The following CASTOR2 variants were observed in gnomAD, a reference collection of about 807,000 sequenced individuals.
CASTOR2 encodes the protein GATS protein like 2.
Under a neutral mutation model 31.2 loss-of-function variants are expected in CASTOR2, and 8 were observed. The observed-to-expected ratio is 0.26, with a 90% CI of 0.15 to 0.46. The LOEUF (loss-of-function observed/expected upper bound fraction) is 0.46, where lower values mean the gene tolerates loss of function less well. Ranked by LOEUF, CASTOR2 falls within the 20% of genes least tolerant of loss-of-function variation. The probability of loss-of-function intolerance (pLI) is 0.99; values close to 1 mark genes in which losing one functional copy is unlikely to be tolerated. For missense variants in CASTOR2, 216 were observed against 382.1 expected (o/e 0.57, Z 3.62); for synonymous variants, 162 against 158.7 (o/e 1.02, Z -0.16).
At chr7:74,996,237 G>C (rs1804343658) in intron 1 of CASTOR2, among the ~76,000 whole-genome samples, 2 of 152,116 alleles carry the variant, frequency 1.3e-5, no homozygotes, top group Non-Finnish European at 2.9e-5. Context: ...GATGGGGCCA[G>C]CCGAGGGGCC....
intron 2 of CASTOR2, among the ~76,000 whole-genome samples, chr7:75,016,953 G>GA (rs1163905659): frequency 6.6e-6 from 1 of 152,096 alleles, no homozygotes; most frequent in Non-Finnish European, 1.5e-5. Flanking sequence ...GATCCCTTGA[G>GA]ATCAGGAGTT....
At chr7:75,022,334 G>A (rs1481394918) in intron 7 of CASTOR2, among the ~76,000 whole-genome samples, 14 of 152,060 alleles carry the variant, frequency 9.2e-5, no homozygotes, top group Non-Finnish European at 4.4e-5. Context: ...GCGAGGCCCT[G>A]TCTCTACCAA....
intron 1 of CASTOR2, among the ~76,000 whole-genome samples, chr7:74,993,481 C>T (rs1804261693): frequency 1.5e-5 from 2 of 129,708 alleles, no homozygotes; most frequent in Admixed American, 1.9e-4. Flanking sequence ...GAGCGAGTCT[C>T]ACTGTGTCAC....
intron 7 of CASTOR2, among the ~76,000 whole-genome samples, chr7:75,023,286 C>T (rs1343257930): frequency 3.3e-5 from 5 of 151,390 alleles, no homozygotes; most frequent in South Asian, 2.1e-4. Flanking sequence ...CCAGCCTGGG[C>T]GACAGAGCGA....
At chr7:75,022,005 G>A (rs1805016853) in intron 7 of CASTOR2, 49 bp downstream of exon 7, 1 of 1,547,818 alleles carries the variant, frequency 6.5e-7, no homozygotes, top group Non-Finnish European at 8.7e-7. Context: ...TGGCATTGCT[G>A]AGCCCATTCA....
intron 1 of CASTOR2, among the ~76,000 whole-genome samples, chr7:75,005,009 G>T (rs1212473247): frequency 2.0e-5 from 3 of 151,708 alleles, no homozygotes; most frequent in African/African-American, 7.3e-5. Context: ...GGGATTACAG[G>T]TGCCCACTGC....
In CASTOR2 at chr7:74,975,950, C is replaced by G. The variant is rs1803798178; in HGVS notation, c.113+10852C>G. Among the ~76,000 whole-genome samples the G allele has an allele frequency of 1.3e-5, 2 of 149,946 alleles. 1 individual carries two copies. Among genetic ancestry groups the G allele is most frequent in the Non-Finnish European group, 3.0e-5 (2 of 67,474 alleles). On this transcript the variant is annotated intron_variant, in intron 1 of 8. Transcript: ENST00000616305. ...CATATGGAGAGGAACTGAGGCATCC[C>G]ACCCCCAACCGGCAGAGCGGGGCTT... is the stretch of plus-strand genomic sequence containing the variant.
chr7:75,031,471 C>CA lies in CASTOR2; in HGVS notation c.*6778dup, dbSNP rs1187772222. Among the ~76,000 whole-genome samples, 12 of 151,288 alleles carry CA rather than the reference C, an allele frequency of 7.9e-5. No individual in the cohort carries two copies. Among genetic ancestry groups the CA allele is most frequent in the African/African-American group, 2.9e-4 (12 of 41,260 alleles). ...GAAAAAAAATTACCTAATGTTCCCCCAAAAAAGACAGTATATTTTGTACTT... is the reference window on the plus strand; with the variant it reads ...GAAAAAAAATTACCTAATGTTCCCCCAAAAAAAGACAGTATATTTTGTACTT... On this transcript the variant is annotated 3_prime_UTR_variant, in exon 9 of 9. Coordinates refer to ENST00000616305, the MANE Select transcript of CASTOR2 (RefSeq NM_001145064.3).
intron 1 of CASTOR2, among the ~76,000 whole-genome samples, chr7:74,986,326 A>C (rs1464916860): frequency 1.3e-5 from 2 of 151,722 alleles, no homozygotes; most frequent in Admixed American, 6.6e-5. Context: ...TCTCTACTAA[A>C]AATACAAAAA....
At chr7:74,993,744 C>CCCGG (rs1330291388) in intron 1 of CASTOR2, among the ~76,000 whole-genome samples, 1 of 151,188 alleles carries the variant, frequency 6.6e-6, no homozygotes, top group Non-Finnish European at 1.5e-5. Context: ...AGCCACCGTG[C>CCCGG]CTGGCACCCC....
chr7:75,012,980 T>G (rs1353255195), intron 2 of CASTOR2, among the ~76,000 whole-genome samples: 1 of 152,160 alleles, frequency 6.6e-6, no homozygotes, highest in Non-Finnish European at 1.5e-5. Context: ...TTGTAGAGGA[T>G]TCTCACTATG....
chr7:75,021,532 C>T (rs1805000713), intron 6 of CASTOR2, among the ~76,000 whole-genome samples: 1 of 152,148 alleles, frequency 6.6e-6, no homozygotes, highest in Admixed American at 6.5e-5. Flanking sequence ...GGGGTGGTGG[C>T]AAAGTGGGGA....
intron 1 of CASTOR2, among the ~76,000 whole-genome samples, chr7:75,007,256 A>G (rs1431828943): frequency 0.99 from 150,168 of 152,270 alleles, 74,058 homozygotes; most frequent in East Asian, 1. Context: ...AGCTCAGCCC[A>G]AGGGCCACCT....
rs1345134408 is a variant in CASTOR2 at position 74,975,881 on chromosome 7, A to G, written c.113+10783A>G. On this transcript the variant is annotated intron_variant, in intron 1 of 8. Transcript: ENST00000616305. Reference sequence around the variant, plus strand: ...AGATCCCTTGCTCTGTAGGAAACCAACCCCCAAGGCCTGAAGACACCCAAG... The same window carrying G: ...AGATCCCTTGCTCTGTAGGAAACCAGCCCCCAAGGCCTGAAGACACCCAAG... 2.2e-5 allele frequency among the ~76,000 whole-genome samples: 3 copies of G among 138,202 alleles called. 1 individual carries two copies. The highest frequency in any genetic ancestry group is 4.7e-5 in the Non-Finnish European group (3 of 63,600). 90.7% of individuals were successfully genotyped at this position (138,202 alleles called of 152,430 possible). A position where few individuals can be genotyped will look rare whatever the true frequency, so the allele number is the denominator to read the frequency against.
At chr7:75,019,611 C>G (rs1298016669) in intron 5 of CASTOR2, among the ~76,000 whole-genome samples, 1 of 152,216 alleles carries the variant, frequency 6.6e-6, no homozygotes, top group African/African-American at 2.4e-5. Context: ...CTCCCCACTC[C>G]CCACTGAGCT....
intron 1 of CASTOR2, among the ~76,000 whole-genome samples, chr7:74,986,161 C>A (rs1218608221): frequency 6.6e-6 from 1 of 151,188 alleles, no homozygotes; most frequent in Non-Finnish European, 1.5e-5. Context: ...AACTCCTGAC[C>A]TCAAGTGATC....
intron 2 of CASTOR2, among the ~76,000 whole-genome samples, chr7:75,015,440 A>G (rs1804843126): frequency 6.6e-6 from 1 of 151,540 alleles, no homozygotes; most frequent in Admixed American, 6.6e-5. Context: ...TGGCTCATTT[A>G]TTTTTTATTT....
rs1177647635 is a variant in CASTOR2, at chr7:75,027,888, C to T, written c.*3189C>T. The T allele has an allele frequency of 5.3e-6, 5 of 936,972 alleles. No individual in the cohort carries two copies. The highest frequency in any genetic ancestry group is 8.3e-6 in the Non-Finnish European group (5 of 604,554). The allele number at this position is 936,972 out of a possible 1,614,324, so 58.0% of individuals were successfully genotyped here. A position where few individuals can be genotyped will look rare whatever the true frequency, so the allele number is the denominator to read the frequency against. ...CCAGGCAGGGGCCGTCTGCCCTTGT[C>T]CCCCAGCTATCTCCTGGTCTGCTGG... On this transcript the variant is annotated 3_prime_UTR_variant, in exon 9 of 9. Transcript: ENST00000616305.
At chr7:74,990,803 T>C (rs1804190859) in intron 1 of CASTOR2, among the ~76,000 whole-genome samples, 1 of 152,118 alleles carries the variant, frequency 6.6e-6, no homozygotes, top group Non-Finnish European at 1.5e-5. Flanking sequence ...TGCAGGGAGC[T>C]GAGATCGTGC....
Sources: gnomAD v4.1 joint callset for allele counts (sites outside exome capture counted in the v4.1 genomes callset) on GRCh38, gnomAD v4.1.1 for gene constraint, MANE v1.5 for transcripts, NCBI Gene and HGNC (gene_info 2026-07-23, HGNC 2026-07-21) for gene names.